The following ARHGAP11A variants were observed in gnomAD, a reference collection of about 807,000 sequenced individuals.
ARHGAP11A encodes the protein Rho GTPase activating protein 11A.
ARHGAP11A carries 36 observed loss-of-function variants against 60.5 expected under a neutral mutation model. The ratio of observed to expected loss-of-function variants is 0.59; its 90% CI spans 0.46 to 0.79. ARHGAP11A has a LOEUF of 0.79. Among genes scored for constraint, ARHGAP11A ranks in the 30% least tolerant of loss-of-function variants. The pLI, the probability that ARHGAP11A is intolerant of heterozygous loss-of-function variation, is 0.00. For synonymous variants in ARHGAP11A, 362 were observed against 415.5 expected, an observed-to-expected ratio of 0.87 and a Z score of 1.57; for missense variants, 1,071 against 1,199.2, an observed-to-expected ratio of 0.89 and a Z score of 1.58.
At chr15:32,635,080 A>G (rs764614301) in intron 10 of ARHGAP11A, among the ~76,000 whole-genome samples, 25 of 152,224 alleles carry the variant, frequency 1.6e-4, no homozygotes, top group Admixed American at 3.3e-4. Context: ...AATAAAAGCC[A>G]GAGTTCTCAT....
intron 8 of ARHGAP11A, 32 bp downstream of exon 8, chr15:32,629,794 A>G (rs766481912): frequency 6.5e-7 from 1 of 1,540,766 alleles, no homozygotes; most frequent in Admixed American, 1.9e-5. Flanking sequence ...AATGGATTGT[A>G]AAGATTAAAA....
In ARHGAP11A at chr15:32,625,232, C is replaced by G. The variant is rs1265667001; in HGVS notation, c.704C>G (p.Ala235Gly). Residue 235 changes from alanine to glycine, a missense_variant, in exon 5 of 12, where the codon GCA (alanine) becomes GGA (glycine). This residue lies in a region of ARHGAP11A where 196 missense variants were observed against 272.1 expected (regional missense o/e 0.72). Transcript: ENST00000361627. ...GTAGTACAGACTCTTATCGATTATG[C>G]ATCAGATATTGGTAAGATGTAGTTG... ...AAVVQTLIDYASDIGRVPDFI... is the reference protein window; with the variant it reads ...AAVVQTLIDYGSDIGRVPDFI... 6.2e-7 allele frequency: 1 copy of G among 1,606,950 alleles called. No homozygotes were observed.
At chr15:32,616,390 T>A (rs1459228816) in intron 1 of ARHGAP11A, 50 bp downstream of exon 1, 36 of 1,610,778 alleles carry the variant, frequency 2.2e-5, no homozygotes, top group Non-Finnish European at 3.1e-5. Flanking sequence ...GCACACCCTT[T>A]ATCATCACTT....
At chr15:32,616,740 G>A (rs2053161410) in intron 1 of ARHGAP11A, among the ~76,000 whole-genome samples, 2 of 152,204 alleles carry the variant, frequency 1.3e-5, no homozygotes, top group South Asian at 2.1e-4. Flanking sequence ...ACTGTATTTG[G>A]AACAGGTAGT....
At position 32,638,222 on chromosome 15, in the gene ARHGAP11A, C is replaced by T. The variant is rs544667559; in HGVS notation, c.*377C>T. ...CCGAGTAGCTGGGACTACAGGTGCC[C>T]GCCACCACGCCCAGCTAATTTTTTG... On this transcript the variant is annotated 3_prime_UTR_variant, in exon 12 of 12. Transcript: ENST00000361627. 1.4e-4 allele frequency: 23 copies of T among 164,536 alleles called. No individual in the cohort carries two copies. The highest frequency in any genetic ancestry group is 1.3e-3 in the South Asian group (7 of 5,468). 10.2% of individuals were successfully genotyped at this position (164,536 alleles called of 1,614,324 possible). A position where few individuals can be genotyped will look rare whatever the true frequency, so the allele number is the denominator to read the frequency against.
chr15:32,636,392 T>C lies in ARHGAP11A; in HGVS notation c.1619T>C (p.Met540Thr), dbSNP rs1468549641. 1.2e-6 allele frequency: 2 copies of C among 1,614,068 alleles called. No homozygotes were observed. Among genetic ancestry groups the C allele is most frequent in the African/African-American group, 1.3e-5 (1 of 75,052 alleles). Residue 540 changes from methionine (M) to threonine (T), a missense_variant, in exon 12 of 12, where the codon ATG becomes ACG. Met to Thr is a moderately conservative substitution (Grantham distance 81). This residue lies in a region of ARHGAP11A where 776 missense variants were observed against 760.2 expected (regional missense o/e 1.02). Coordinates refer to ENST00000361627, the MANE Select transcript of ARHGAP11A (RefSeq NM_014783.6). Reference sequence around the variant, plus strand: ...GTAGATGCAAATGAAGCTTCTTCAATGGTGGAAAATCTTGAGGTAGAAAAC... The same window carrying C: ...GTAGATGCAAATGAAGCTTCTTCAACGGTGGAAAATCTTGAGGTAGAAAAC... ...QEVDANEASS[M>T]VENLEVENSL...
chr15:32,624,282 A>G lies in ARHGAP11A; in HGVS notation c.407A>G (p.Asp136Gly). The G allele has an allele frequency of 6.2e-7, 1 of 1,613,694 alleles. No homozygotes were observed. Among genetic ancestry groups the G allele is most frequent in the Non-Finnish European group, 8.5e-7 (1 of 1,179,834 alleles). Residue 136 changes from aspartate to glycine, a missense_variant, in exon 4 of 12, where the codon GAT becomes GGT. Physicochemically the swap from Asp to Gly is moderately conservative, Grantham distance 94. Transcript: ENST00000361627. ...CTGCCAGAGCCCATTCTCCCAGCTGATTTGCATGAAGCACTTTTGAAAGCT... is the reference window on the plus strand; with the variant it reads ...CTGCCAGAGCCCATTCTCCCAGCTGGTTTGCATGAAGCACTTTTGAAAGCT... Reference protein sequence around the residue: ...RELPEPILPADLHEALLKAQQ... With the variant: ...RELPEPILPAGLHEALLKAQQ...
intron 2 of ARHGAP11A, among the ~76,000 whole-genome samples, chr15:32,622,466 A>G (rs187243978): frequency 2.0e-3 from 304 of 152,324 alleles, no homozygotes; most frequent in African/African-American, 7.0e-3. Flanking sequence ...TGGAATTGCA[A>G]AGTCATATTC....
Position 32,633,181 on chromosome 15 carries a change from C to T in ARHGAP11A, c.1235+73C>T, listed in dbSNP as rs1413981088. 9.8e-6 allele frequency: 15 copies of T among 1,526,886 alleles called. No individual in the cohort carries two copies. In the Admixed American group the frequency reaches 1.6e-4, roughly 17 times the overall value. 94.6% of individuals were successfully genotyped at this position (1,526,886 alleles called of 1,614,324 possible). A position where few individuals can be genotyped will look rare whatever the true frequency, so the allele number is the denominator to read the frequency against. On this transcript the variant is annotated intron_variant, in intron 9 of 11. Coordinates refer to ENST00000361627, the MANE Select transcript of ARHGAP11A (RefSeq NM_014783.6). ...ACACATAATTAATAAAATGTTTTGT[C>T]TTTCTGTCAAGCATCATATTTGAGT...
chr15:32,636,958 C>A lies in ARHGAP11A; in HGVS notation c.2185C>A (p.Pro729Thr). ...SDEEIKKQQS[P>T]KDKLNNKLKE... Reference sequence around the variant, plus strand: ...TGAAGAAATAAAGAAACAGCAGTCCCCAAAGGATAAACTAAATAATAAATT... The same window carrying A: ...TGAAGAAATAAAGAAACAGCAGTCCACAAAGGATAAACTAAATAATAAATT... Residue 729 changes from proline (P) to threonine (T), a missense_variant, in exon 12 of 12, where the codon CCA (proline) becomes ACA (threonine). This residue lies in a region of ARHGAP11A where 776 missense variants were observed against 760.2 expected (regional missense o/e 1.02). Coordinates refer to ENST00000361627, the MANE Select transcript of ARHGAP11A (RefSeq NM_014783.6). The A allele has an allele frequency of 6.2e-7, 1 of 1,610,470 alleles. No individual in the cohort carries two copies. The highest frequency in any genetic ancestry group is 8.5e-7 in the Non-Finnish European group (1 of 1,179,032).
chr15:32,622,781 G>T (rs1482300565), intron 2 of ARHGAP11A, among the ~76,000 whole-genome samples: 1 of 152,042 alleles, frequency 6.6e-6, no homozygotes, highest in Admixed American at 6.6e-5. Flanking sequence ...CTTTTCTGAG[G>T]GATAATGTTG....
At chr15:32,621,063 C>G (rs1040166430) in intron 2 of ARHGAP11A, among the ~76,000 whole-genome samples, 1 of 149,618 alleles carries the variant, frequency 6.7e-6, no homozygotes, top group Non-Finnish European at 1.5e-5. Context: ...AGAGTGAGAC[C>G]ATGTCTCTTG....
At chr15:32,635,664 T>C in intron 10 of ARHGAP11A, 113 bp from the exon 11 acceptor site, 1 of 630,838 alleles carries the variant, frequency 1.6e-6, no homozygotes, top group South Asian at 4.4e-5. Flanking sequence ...CTCAATTATA[T>C]ATCCCTTTTT....
intron 10 of ARHGAP11A, among the ~76,000 whole-genome samples, chr15:32,635,386 A>G (rs2053680567): frequency 6.6e-6 from 1 of 152,184 alleles, no homozygotes; most frequent in Non-Finnish European, 1.5e-5. Context: ...TATTTATGCA[A>G]TATAATTTAC....
intron 10 of ARHGAP11A, among the ~76,000 whole-genome samples, chr15:32,635,568 A>G (rs1184336018): frequency 6.6e-6 from 1 of 152,216 alleles, no homozygotes; most frequent in Non-Finnish European, 1.5e-5. Flanking sequence ...TTAAAAATAG[A>G]TCATAAAATA....
At chr15:32,626,232 A>G (rs1375355134) in intron 6 of ARHGAP11A, among the ~76,000 whole-genome samples, 3 of 151,004 alleles carry the variant, frequency 2.0e-5, no homozygotes, top group African/African-American at 7.3e-5. Flanking sequence ...AAGTAGGGAG[A>G]ATGGTCAGCA....
At chr15:32,625,404 AT>A in intron 5 of ARHGAP11A, 82 bp from the exon 6 acceptor site, 2 of 1,525,198 alleles carry the variant, frequency 1.3e-6, no homozygotes, top group Non-Finnish European at 1.8e-6. Flanking sequence ...AAGAAAAGAA[AT>A]TGGTATATTA....
At chr15:32,626,983 G>GT (rs2053473542) in intron 6 of ARHGAP11A, among the ~76,000 whole-genome samples, 1 of 152,078 alleles carries the variant, frequency 6.6e-6, no homozygotes, top group Non-Finnish European at 1.5e-5. Context: ...TTAAACATAG[G>GT]TTTTTTGGAG....
chr15:32,621,183 C>G (rs890704592), intron 2 of ARHGAP11A, among the ~76,000 whole-genome samples: 1 of 64,252 alleles, frequency 1.6e-5, no homozygotes, highest in Non-Finnish European at 2.7e-5. Context: ...ACCTTTTATT[C>G]TTTTTTTTTT....
Sources: gnomAD v4.1 joint callset for allele counts (sites outside exome capture counted in the v4.1 genomes callset) on GRCh38, gnomAD v4.1.1 for gene constraint, gnomAD v4.1.1 regional missense constraint, MANE v1.5 for transcripts, NCBI Gene and HGNC (gene_info 2026-07-23, HGNC 2026-07-21) for gene names.